Variants in TTC3 observed in about 807,000 individuals in gnomAD.
TTC3 encodes the protein E3 ubiquitin-protein ligase TTC3.
A neutral mutation model predicts 249.6 loss-of-function variants in TTC3; 180 were observed. The observed-to-expected ratio is 0.72, with a 90% CI of 0.64 to 0.82. TTC3 has a LOEUF of 0.82. Among genes scored for constraint, TTC3 ranks in the 40% least tolerant of loss-of-function variants. The pLI is 0.00. For synonymous variants in TTC3, 717 were observed against 805.0 expected (o/e 0.89, Z 1.85); for missense variants, 2,061 against 2,398.4 (o/e 0.86, Z 2.94).
chr21:37,132,913 CT>C (rs2077596997), intron 17 of TTC3, 147 bp downstream of exon 17: 1 of 548,874 alleles, frequency 1.8e-6, no homozygotes, highest in Non-Finnish European at 3.0e-6. Context: ...TGGGGTCTCA[CT>C]GTGTTGTCCA....
intron 35 of TTC3, among the ~76,000 whole-genome samples, chr21:37,173,463 AG>A (rs1306392245): frequency 6.6e-6 from 1 of 152,136 alleles, no homozygotes; most frequent in Admixed American, 6.5e-5. Flanking sequence ...TGGCTAGTGG[AG>A]GGATAGCAAT....
chr21:37,090,159 G>T, intron 5 of TTC3, 74 bp from the exon 6 acceptor site: 1 of 1,133,192 alleles, frequency 8.8e-7, no homozygotes. Context: ...TAAAATGTAG[G>T]CCATTTTTCC....
At chr21:37,125,594 G>A (rs949283116) in intron 14 of TTC3, among the ~76,000 whole-genome samples, 26 of 151,660 alleles carry the variant, frequency 1.7e-4, no homozygotes, top group Non-Finnish European at 2.8e-4. Flanking sequence ...AATAATGATC[G>A]CTATTATAAT....
chr21:37,150,031 C>T (rs1342938642), intron 23 of TTC3, 47 bp from the exon 24 acceptor site: 1 of 1,373,516 alleles, frequency 7.3e-7, no homozygotes, highest in South Asian at 1.2e-5. Flanking sequence ...GATTTATCCC[C>T]CCTAGACATA....
chr21:37,079,517 GTTTTTTTTTTTTTT>G (rs60361476), intron 1 of TTC3, among the ~76,000 whole-genome samples: 5 of 91,178 alleles, frequency 5.5e-5, no homozygotes, highest in African/African-American at 1.4e-4. Context: ...TTATGGTATG[GTTTTTTTTTTTTTT>G]TTTTTTTTTT....
chr21:37,122,404 A>AATATATATATATATAATATAT (rs1555879375), intron 12 of TTC3, among the ~76,000 whole-genome samples: 1 of 134,810 alleles, frequency 7.4e-6, no homozygotes, highest in Non-Finnish European at 1.6e-5. Context: ...CAGCGTGCTG[A>AATATATATATATATAATATAT]ATATATATAT....
At chr21:37,182,717 T>G (rs1282545530) in intron 35 of TTC3, 57 bp from the exon 36 acceptor site, 5 of 1,462,020 alleles carry the variant, frequency 3.4e-6, no homozygotes, top group Non-Finnish European at 4.6e-6. Context: ...CCTTTCAGTC[T>G]CTTTTGTTAA....
chr21:37,095,523 A>C (rs1423823366), intron 9 of TTC3, 79 bp downstream of exon 9: 3 of 984,512 alleles, frequency 3.0e-6, no homozygotes, highest in Non-Finnish European at 4.5e-6. Flanking sequence ...AATAAAAACA[A>C]GACGGAGAAT....
intron 1 of TTC3, among the ~76,000 whole-genome samples, chr21:37,073,891 C>T (rs188152476): frequency 5.7e-4 from 87 of 152,376 alleles, no homozygotes; most frequent in Middle Eastern, 6.8e-3. Context: ...GCAATTGCGA[C>T]CCCCGCCTAG....
At chr21:37,160,776 C>CA (rs1396338355) in intron 29 of TTC3, 26 bp from the exon 30 acceptor site, 1 of 1,611,136 alleles carries the variant, frequency 6.2e-7, no homozygotes, top group Non-Finnish European at 8.5e-7. Flanking sequence ...TTTGAGTGTT[C>CA]ACTGATTTTT....
Position 37,150,703 on chromosome 21 carries a change from C to G in TTC3, c.2212-117C>G. ...TTTTGTCTGGGTCAGAACATCATCA[C>G]TGTTCTCTATCAAACTGAACATTAT... On this transcript the variant is annotated intron_variant, in intron 24 of 45. Transcript: ENST00000355666. The G allele has an allele frequency of 4.1e-6, 3 of 728,714 alleles. No homozygotes were observed. The South Asian group carries it at 4.8e-5, about 12-fold the overall frequency. The allele number at this position is 728,714 out of a possible 1,614,324, so 45.1% of individuals were successfully genotyped here.
intron 6 of TTC3, chr21:37,090,608 A>C (rs1439071505): frequency 1.1e-6 from 1 of 877,040 alleles, no homozygotes; most frequent in East Asian, 1.2e-4. Context: ...ATTTTTTGTT[A>C]TATAATTACT....
intron 27 of TTC3, 23 bp downstream of exon 27, chr21:37,153,300 G>T: frequency 1.9e-6 from 3 of 1,578,474 alleles, no homozygotes; most frequent in Non-Finnish European, 2.6e-6. Context: ...ATATTCCAGA[G>T]CAATAAACTT....
At chr21:37,128,922 T>C in intron 15 of TTC3, 81 bp from the exon 16 acceptor site, 1 of 1,127,378 alleles carries the variant, frequency 8.9e-7, no homozygotes, top group East Asian at 2.7e-5. Flanking sequence ...TACTCCAATT[T>C]ATATTTTAAA....
chr21:37,079,325 G>A (rs1191622935), intron 1 of TTC3, among the ~76,000 whole-genome samples: 2 of 151,916 alleles, frequency 1.3e-5, no homozygotes, highest in East Asian at 3.9e-4. Context: ...GGGAGAGTTT[G>A]GATTGGAGTG....
At chr21:37,111,636 TCAA>T (rs1377596050) in intron 11 of TTC3, among the ~76,000 whole-genome samples, 2 of 152,124 alleles carry the variant, frequency 1.3e-5, no homozygotes, top group African/African-American at 2.4e-5. Context: ...ATTAGACAGA[TCAA>T]CGAGACAGAA....
intron 16 of TTC3, among the ~76,000 whole-genome samples, chr21:37,131,702 A>G (rs1204960521): frequency 1.3e-5 from 2 of 152,090 alleles, no homozygotes; most frequent in Non-Finnish European, 2.9e-5. Context: ...CTGATTCTTT[A>G]CCCTGTGAGG....
exon 26 of TTC3, chr21:37,151,893 C>T (rs748031256): frequency 4.4e-6 from 7 of 1,585,384 alleles, no homozygotes; most frequent in Non-Finnish European, 6.0e-6. Context: ...TGTTTATCAG[C>T]CTAGAGAAAC....
At chr21:37,148,070 G>A (rs1359924009) in intron 22 of TTC3, among the ~76,000 whole-genome samples, 1 of 152,158 alleles carries the variant, frequency 6.6e-6, no homozygotes, top group Non-Finnish European at 1.5e-5. Context: ...GGGAACCAGA[G>A]CCACTGATGT....
Sources: gnomAD v4.1 joint callset for allele counts (sites outside exome capture counted in the v4.1 genomes callset) on GRCh38, gnomAD v4.1.1 for gene constraint, MANE v1.5 for transcripts, NCBI Gene and HGNC (gene_info 2026-07-23, HGNC 2026-07-21) for gene names.